Variants in USP1 observed in about 807,000 individuals in gnomAD.
The protein encoded by USP1 is ubiquitin specific peptidase 1.
Under a neutral mutation model 72.2 loss-of-function variants are expected in USP1, and 18 were observed. The ratio of observed to expected loss-of-function variants is 0.25; its 90% CI spans 0.17 to 0.37. USP1 has a LOEUF of 0.37. Ranked by LOEUF, USP1 falls within the 10% of genes least tolerant of loss-of-function variation. The pLI is 1.00. For synonymous variants in USP1, 354 were observed against 303.7 expected, an observed-to-expected ratio of 1.17 and a Z score of -1.72; for missense variants, 759 against 884.9, an observed-to-expected ratio of 0.86 and a Z score of 1.81.
At chr1:62,443,366 T>G (rs773398421) in intron 5 of USP1, 47 bp downstream of exon 5, 3 of 1,518,430 alleles carry the variant, frequency 2.0e-6, no homozygotes, top group Non-Finnish European at 2.6e-6. Flanking sequence ...GCTACTTGTT[T>G]ATATCCTTGG....
rs1248240577 is a variant in USP1 at position 62,443,223 on chromosome 1, T to G, written c.461T>G (p.Ile154Ser). ...ELICSLQSLI[I>S]SVEQLQASFL... ...ATATGCAGTTTACAGTCCTTAATCA[T>G]TTCGGTTGAACAGCTCCAGGCTAGT... Residue 154 changes from isoleucine (I) to serine (S), a missense_variant, in exon 5 of 9, where the codon ATT becomes AGT. Physicochemically the swap from Ile to Ser is moderately radical, Grantham distance 142. This residue lies in a region of USP1 where 71 missense variants were observed against 71.0 expected (regional missense o/e 1.00). Coordinates refer to ENST00000339950, the MANE Select transcript of USP1 (RefSeq NM_003368.5). 2 of 1,613,962 alleles carry G rather than the reference T, an allele frequency of 1.2e-6. No homozygotes were observed. The highest frequency in any genetic ancestry group is 1.7e-6 in the Non-Finnish European group (2 of 1,180,000).
chr1:62,443,108 G>T, intron 4 of USP1, 51 bp from the exon 5 acceptor site: 2 of 1,566,790 alleles, frequency 1.3e-6, no homozygotes, highest in East Asian at 2.3e-5. Context: ...AAGGGGGAAG[G>T]TACTTAATTT....
At chr1:62,439,352 T>G (rs1645116137) in intron 1 of USP1, among the ~76,000 whole-genome samples, 1 of 152,108 alleles carries the variant, frequency 6.6e-6, no homozygotes, top group Admixed American at 6.5e-5. Context: ...GCCCGGCTAA[T>G]TTTTGTATTT....
In USP1 at chr1:62,444,747, C is replaced by T. The variant is rs765272874; in HGVS notation, c.567C>T (p.Asn189=). The change falls in exon 6 of 9, where the codon AAC becomes AAT. Residue 189 remains asparagine, a synonymous_variant. Coordinates refer to ENST00000339950, the MANE Select transcript of USP1 (RefSeq NM_003368.5). The part of the protein sequence containing the change: ...RRLLNTLREL[N]PMYEGYLQHD... ...AAATTTTTATTTATAGGGAACTCAA[C>T]CCTATGTATGAAGGATATCTACAGC... is the stretch of plus-strand genomic sequence containing the variant. 5.1e-6 allele frequency: 8 copies of T among 1,569,824 alleles called. No homozygotes were observed. The highest frequency in any genetic ancestry group is 5.1e-6 in the Non-Finnish European group (6 of 1,165,390).
chr1:62,445,261 A>T lies in USP1; in HGVS notation c.1081A>T (p.Ile361Leu), dbSNP rs775318926. ...ILSKFCSLGK[I>L]TTNQGVKGQS... is the part of the protein sequence containing the mutation. ...TTCTAAATTTTGTAGTCTGGGAAAA[A>T]TAACAACAAACCAAGGAGTCAAAGG... Residue 361 changes from isoleucine to leucine, a missense_variant, in exon 6 of 9, where the codon ATA becomes TTA. By Grantham distance (5) the Ile-to-Leu change is conservative. Around this residue, in one of 9 missense-constraint regions of USP1, gnomAD observed 245 missense variants for 240.7 expected, o/e 1.02. Coordinates refer to ENST00000339950, the MANE Select transcript of USP1 (RefSeq NM_003368.5). 1 of 1,613,026 alleles carries T rather than the reference A, an allele frequency of 6.2e-7. No homozygotes were observed. The highest frequency in any genetic ancestry group is 1.3e-5 in the African/African-American group (1 of 74,976).
chr1:62,437,221 C>A lies in USP1; in HGVS notation c.-249C>A. 1 of 398,190 alleles carries A rather than the reference C, an allele frequency of 2.5e-6. No homozygotes were observed. The highest frequency in any genetic ancestry group is 1.3e-4 in the South Asian group (1 of 7,712). 24.7% of individuals were successfully genotyped at this position (398,190 alleles called of 1,614,324 possible). A position where few individuals can be genotyped will look rare whatever the true frequency, so the allele number is the denominator to read the frequency against. ...GTGCAAGACGGGAGCGAGCGGCGGT[C>A]GGGGTTCCCGCTCTTGGGAGCGGAT... On this transcript the variant is annotated 5_prime_UTR_variant, in exon 1 of 9. Coordinates refer to ENST00000339950, the MANE Select transcript of USP1 (RefSeq NM_003368.5).
At chr1:62,448,350 A>G (rs1357140503) in intron 7 of USP1, 115 bp from the exon 8 acceptor site, 3 of 970,834 alleles carry the variant, frequency 3.1e-6, no homozygotes, top group Non-Finnish European at 4.5e-6. Flanking sequence ...CTCTTTAGTT[A>G]TTTAGGAATG....
chr1:62,449,594 T>C lies in USP1; in HGVS notation c.1623-652T>C, dbSNP rs542599807. Among the ~76,000 whole-genome samples the C allele has an allele frequency of 1.3e-3, 193 of 152,212 alleles. 2 individuals are homozygous for C. The highest frequency in any genetic ancestry group is 4.6e-3 in the African/African-American group (190 of 41,530). On this transcript the variant is annotated intron_variant, in intron 8 of 8. Transcript: ENST00000339950. ...ACTATTTTATTTACTTTCCCAAATT[T>C]TGGTAGAGAAAAACTTCACACTAAA...
intron 8 of USP1, 86 bp from the exon 9 acceptor site, chr1:62,450,160 G>T: frequency 6.7e-7 from 1 of 1,499,928 alleles, no homozygotes; most frequent in Non-Finnish European, 8.9e-7. Context: ...GGTTCATTCA[G>T]ATTTTTACTT....
chr1:62,440,874 A>G (rs1397456546), intron 2 of USP1, among the ~76,000 whole-genome samples: 2 of 152,116 alleles, frequency 1.3e-5, no homozygotes, highest in Non-Finnish European at 2.9e-5. Context: ...GTGTTTTGAG[A>G]TGGGGTCTCC....
At chr1:62,437,819 A>G (rs1376998647) in intron 1 of USP1, among the ~76,000 whole-genome samples, 1 of 152,194 alleles carries the variant, frequency 6.6e-6, no homozygotes, top group Non-Finnish European at 1.5e-5. Flanking sequence ...TCTTTCACTT[A>G]CACTTTTTCA....
intron 4 of USP1, 134 bp downstream of exon 4, chr1:62,442,433 C>A: frequency 1.6e-6 from 1 of 626,120 alleles, no homozygotes; most frequent in Non-Finnish European, 2.7e-6. Context: ...TATTGTCAGG[C>A]AATTATTTTT....
In USP1 at chr1:62,450,800, T is replaced by A; in HGVS notation, c.2177T>A (p.Ile726Asn). 6.2e-7 allele frequency: 1 copy of A among 1,613,918 alleles called. No individual in the cohort carries two copies. The highest frequency in any genetic ancestry group is 1.7e-4 in the Middle Eastern group (1 of 6,058). Residue 726 changes from isoleucine (I) to asparagine (N), a missense_variant, in exon 9 of 9, where the codon ATT (isoleucine) becomes AAT (asparagine). Ile to Asn is a moderately radical substitution (Grantham distance 149). Transcript: ENST00000339950. ...KESSDQTGIN[I>N]SGFENKISYV... is the part of the protein sequence containing the mutation. ...TCCAGTGACCAAACAGGCATTAATA[T>A]TAGTGGATTTGAGAACAAAATTTCA... is the stretch of plus-strand genomic sequence containing the variant.
At chr1:62,437,731 C>T (rs1365162108) in intron 1 of USP1, among the ~76,000 whole-genome samples, 1 of 152,208 alleles carries the variant, frequency 6.6e-6, no homozygotes, top group Admixed American at 6.5e-5. Context: ...TTCCCGAGAG[C>T]GGTGAAGGAT....
In USP1 at chr1:62,450,822, T is replaced by A; in HGVS notation, c.2199T>A (p.Ile733=). 2 of 1,614,004 alleles carry A rather than the reference T, an allele frequency of 1.2e-6. No individual in the cohort carries two copies. Among genetic ancestry groups the A allele is most frequent in the Non-Finnish European group, 8.5e-7 (1 of 1,179,962 alleles). Residue 733 remains isoleucine (I), a synonymous_variant, in exon 9 of 9, where the codon ATT becomes ATA. Coordinates refer to ENST00000339950, the MANE Select transcript of USP1 (RefSeq NM_003368.5). ...ATATTAGTGGATTTGAGAACAAAAT[T>A]TCATACGTAGTGCAAAGCTTAAAGG... The part of the protein sequence containing the change: ...GINISGFENK[I]SYVVQSLKEY...
At chr1:62,441,740 A>G in intron 3 of USP1, 132 bp downstream of exon 3, 1 of 1,060,034 alleles carries the variant, frequency 9.4e-7, no homozygotes, top group Non-Finnish European at 1.3e-6. Flanking sequence ...AAACCAGAAT[A>G]GGCTAAAATA....
intron 4 of USP1, among the ~76,000 whole-genome samples, 194 bp downstream of exon 4, chr1:62,442,493 C>A (rs1283262112): frequency 1.3e-5 from 2 of 151,878 alleles, no homozygotes; most frequent in Non-Finnish European, 2.9e-5. Flanking sequence ...AATGTTTGCT[C>A]CTGTAATCTG....
intron 7 of USP1, 62 bp from the exon 8 acceptor site, chr1:62,448,403 T>A (rs1557558202): frequency 6.6e-7 from 1 of 1,506,724 alleles, no homozygotes. Context: ...AACCTGAAAC[T>A]TTGTGGTTTA....
Position 62,439,929 on chromosome 1 carries a change from A to G in USP1, c.62A>G (p.Asn21Ser). ...TCAAGAGGTAGCCCTTCAAAGAAAA[A>G]CAGACTTTCCTTAAAGTTTTTTCAG... Reference protein sequence around the residue: ...GLSRGSPSKKNRLSLKFFQKK... With the variant: ...GLSRGSPSKKSRLSLKFFQKK... Residue 21 changes from asparagine to serine, a missense_variant, in exon 2 of 9, where the codon AAC becomes AGC. Transcript: ENST00000339950. 2.5e-6 allele frequency: 4 copies of G among 1,569,170 alleles called. No individual in the cohort carries two copies. The South Asian group carries it at 3.7e-5, about 14-fold the overall frequency.
Sources: gnomAD v4.1 joint callset for allele counts (sites outside exome capture counted in the v4.1 genomes callset) on GRCh38, gnomAD v4.1.1 for gene constraint, gnomAD v4.1.1 regional missense constraint, MANE v1.5 for transcripts, NCBI Gene and HGNC (gene_info 2026-07-23, HGNC 2026-07-21) for gene names.